The following PDZD2 variants were observed in gnomAD, a reference collection of about 807,000 sequenced individuals.
The protein encoded by PDZD2 is PDZ domain-containing protein 2.
In PDZD2, 90 loss-of-function variants were observed where a neutral mutation model predicts 220.7. That is an observed-to-expected ratio of 0.41 (90% CI 0.34 to 0.49). The LOEUF (loss-of-function observed/expected upper bound fraction) is 0.49, where lower values mean the gene tolerates loss of function less well. PDZD2 is among the 20% of genes least tolerant of loss of function. The pLI is 0.28. For missense variants in PDZD2, 3,174 were observed against 3,608.5 expected (o/e 0.88, Z 3.08); for synonymous variants, 1,375 against 1,450.5 (o/e 0.95, Z 1.18).
chr5:32,015,457 G>A (rs1377835451), intron 6 of PDZD2, among the ~76,000 whole-genome samples: 1 of 152,032 alleles, frequency 6.6e-6, no homozygotes, highest in African/African-American at 2.4e-5. Flanking sequence ...TCACTATGTT[G>A]CCCAGCCTGG....
At chr5:32,041,174 A>G (rs4867415) in intron 7 of PDZD2, among the ~76,000 whole-genome samples, 79,828 of 100,284 alleles carry the variant, frequency 0.8, 29,963 homozygotes, top group Admixed American at 0.83. Flanking sequence ...CCGTCTGGGA[A>G]GTGGGGAGCG....
chr5:31,677,583 TCCAGCCTGGGCGACAGAGC>T lies in PDZD2; in HGVS notation c.-361+38147_-361+38165del, dbSNP rs2150121420. Among the ~76,000 whole-genome samples, 2 of 1,916 alleles carry T rather than the reference TCCAGCCTGGGCGACAGAGC, an allele frequency of 1.0e-3. 1 individual carries two copies. Among genetic ancestry groups the T allele is most frequent in the East Asian group, 0.04 (2 of 50 alleles). 1.3% of individuals were successfully genotyped at this position (1,916 alleles called of 152,430 possible). On this transcript the variant is annotated intron_variant, in intron 1 of 24. Transcript: ENST00000438447. ...GTGAGCCGAGATTGCGCCACTGCAC[TCCAGCCTGGGCGACAGAGC>T]GAGACTCCGTCTTAAAAAAAAAAAA...
intron 2 of PDZD2, among the ~76,000 whole-genome samples, chr5:31,891,835 A>C (rs1741074028): frequency 6.6e-6 from 1 of 152,294 alleles, no homozygotes; most frequent in South Asian, 2.1e-4. Context: ...GTGAAGACTG[A>C]TACTGTTACC....
At chr5:31,750,396 TAGCA>T (rs1750881128) in intron 1 of PDZD2, among the ~76,000 whole-genome samples, 1 of 152,104 alleles carries the variant, frequency 6.6e-6, no homozygotes, top group African/African-American at 2.4e-5. Context: ...ATGCAGTAAA[TAGCA>T]AGCAGTTGTC....
At chr5:32,084,056 G>A (rs901034119) in intron 19 of PDZD2, among the ~76,000 whole-genome samples, 8 of 152,210 alleles carry the variant, frequency 5.3e-5, no homozygotes, top group East Asian at 1.9e-4. Context: ...CCGCACTACC[G>A]CCCATATTTG....
intron 1 of PDZD2, among the ~76,000 whole-genome samples, chr5:31,692,233 G>A (rs147147745): frequency 0.14 from 20,834 of 152,250 alleles, 1,579 homozygotes; most frequent in East Asian, 0.24. Context: ...CTCACTGCCC[G>A]GGGCCGGTGG....
rs541615228 is a variant in PDZD2, at chr5:32,069,157, T to C, written c.2452-412T>C. 1.5e-4 allele frequency among the ~76,000 whole-genome samples: 22 copies of C among 151,512 alleles called. 1 individual carries two copies. The South Asian group carries it at 4.6e-3, about 32-fold the overall frequency. On this transcript the variant is annotated intron_variant, in intron 14 of 24. Transcript: ENST00000438447. ...GGTGCGCGCCTATAGTCCCAGCTAC[T>C]TGGGAGGCTGAGGCAGGAGAATCAC... is the stretch of plus-strand genomic sequence containing the variant.
chr5:32,079,965 T>G (rs1741751504), intron 19 of PDZD2, among the ~76,000 whole-genome samples: 2 of 152,220 alleles, frequency 1.3e-5, no homozygotes, highest in South Asian at 4.1e-4. Flanking sequence ...GGGTTCTGGT[T>G]TCTCTTTCGG....
intron 1 of PDZD2, among the ~76,000 whole-genome samples, chr5:31,719,069 A>C (rs1748625981): frequency 6.6e-6 from 1 of 152,208 alleles, no homozygotes. Flanking sequence ...ATTCTGAGGT[A>C]CTAGAAGTTA....
At chr5:31,950,263 G>A (rs937618618) in intron 2 of PDZD2, among the ~76,000 whole-genome samples, 6 of 152,226 alleles carry the variant, frequency 3.9e-5, no homozygotes, top group Middle Eastern at 3.4e-3. Flanking sequence ...AGCATTCTAC[G>A]CTGTTAACTT....
intron 7 of PDZD2, among the ~76,000 whole-genome samples, chr5:32,039,709 G>A (rs2877240): frequency 0.53 from 73,092 of 137,430 alleles, 18,715 homozygotes; most frequent in Non-Finnish European, 0.58. Context: ...GCCTCTGCCC[G>A]GCCGCCCCGT....
intron 1 of PDZD2, among the ~76,000 whole-genome samples, chr5:31,752,073 G>GTTTTTTTTTTTT (rs3032803): frequency 2.8e-4 from 27 of 95,070 alleles, no homozygotes; most frequent in African/African-American, 1.0e-3. Context: ...TTTTGGGTTT[G>GTTTTTTTTTTTT]TTTTTTTTTT....
At chr5:32,102,340 G>A (rs1367604661) in intron 24 of PDZD2, among the ~76,000 whole-genome samples, 2 of 152,048 alleles carry the variant, frequency 1.3e-5, no homozygotes, top group Non-Finnish European at 2.9e-5. Context: ...TGGGCAGCCA[G>A]AGCGAAGCAT....
At chr5:31,720,156 C>T (rs1409788839) in intron 1 of PDZD2, among the ~76,000 whole-genome samples, 1 of 152,246 alleles carries the variant, frequency 6.6e-6, no homozygotes, top group East Asian at 1.9e-4. Flanking sequence ...ACAATTGCTT[C>T]TCCACCTCTC....
chr5:31,800,071 G>A lies in PDZD2; in HGVS notation c.476+347G>A, dbSNP rs1217012394. On this transcript the variant is annotated intron_variant, in intron 2 of 24. Coordinates refer to ENST00000438447, the MANE Select transcript of PDZD2 (RefSeq NM_178140.4). ...GCATATTTCTGTTTTCTACCCACAC[G>A]GCCACCCACCACCATATTAAGTTAT... 5.3e-5 allele frequency among the ~76,000 whole-genome samples: 8 copies of A among 151,894 alleles called. 1 individual carries two copies. Among genetic ancestry groups the A allele is most frequent in the Admixed American group, 2.0e-4 (3 of 15,250 alleles).
chr5:32,033,650 C>T (rs1193411845), intron 6 of PDZD2, among the ~76,000 whole-genome samples: 1 of 151,554 alleles, frequency 6.6e-6, no homozygotes, highest in Non-Finnish European at 1.5e-5. Flanking sequence ...GACAGAGCCT[C>T]GCTCTTTTGC....
chr5:31,895,399 A>T (rs1269330245), intron 2 of PDZD2, among the ~76,000 whole-genome samples: 1 of 152,128 alleles, frequency 6.6e-6, no homozygotes, highest in African/African-American at 2.4e-5. Flanking sequence ...TCATGTGAGG[A>T]TACAGCTGGA....
At chr5:31,982,381 C>T (rs1750368533) in intron 2 of PDZD2, among the ~76,000 whole-genome samples, 1 of 152,204 alleles carries the variant, frequency 6.6e-6, no homozygotes, top group African/African-American at 2.4e-5. Context: ...GATCTCGGTT[C>T]ACTGCAGCCT....
chr5:31,995,380 T>C (rs1751545474), intron 3 of PDZD2, among the ~76,000 whole-genome samples, 196 bp from the exon 4 acceptor site: 1 of 152,200 alleles, frequency 6.6e-6, no homozygotes, highest in Admixed American at 6.5e-5. Context: ...ATTTCCATGA[T>C]CACAGAAAGT....
Sources: allele counts gnomAD v4.1 joint callset (sites outside exome capture counted in the v4.1 genomes callset), GRCh38; gene constraint gnomAD v4.1.1; transcripts MANE v1.5; gene names NCBI Gene and HGNC (gene_info 2026-07-23, HGNC 2026-07-21).